Variants in ABCA10 observed in about 807,000 individuals in gnomAD.
ABCA10 encodes ATP-binding cassette sub-family A member 10.
A neutral mutation model predicts 187.5 loss-of-function variants in ABCA10; 169 were observed. The observed-to-expected ratio is 0.90, with a 90% CI of 0.80 to 1.02. ABCA10 has a LOEUF of 1.02. Among genes scored for constraint, ABCA10 ranks in the 50% least tolerant of loss-of-function variants. The pLI is 0.00. For synonymous variants in ABCA10, 574 were observed against 601.8 expected (o/e 0.95, Z 0.68); for missense variants, 1,727 against 1,812.4 (o/e 0.95, Z 0.86).
intron 1 of ABCA10, chr17:69,234,388 A>G (rs1271122610): frequency 6.6e-6 from 1 of 152,254 alleles, no homozygotes; most frequent in Non-Finnish European, 1.5e-5. Context: ...ACTAGTGTAC[A>G]TGATTCTTTC....
Position 69,154,325 on chromosome 17 carries a change from A to C in ABCA10, c.3696T>G (p.Gly1232=). 6.4e-7 allele frequency: 1 copy of C among 1,571,178 alleles called. No homozygotes were observed. The highest frequency in any genetic ancestry group is 1.2e-5 in the South Asian group (1 of 86,628). The change falls in exon 31 of 39, where the codon GGT becomes GGG. Residue 1232 remains glycine, a splice_region_variant and synonymous_variant. Coordinates refer to ENST00000690296, the MANE Select transcript of ABCA10 (RefSeq NM_001377321.1). Reference sequence around the variant, plus strand: ...TGTGTCCTAGTAATCCCAAAACTTCACCTGGAAGAAAGAGTCACCATCAAT... The same window carrying C: ...TGTGTCCTAGTAATCCCAAAACTTCCCCTGGAAGAAAGAGTCACCATCAAT... ...IRNVSFCVKK[G]EVLGLLGHNG...
At chr17:69,217,888 G>A (rs1416473688) in intron 6 of ABCA10, among the ~76,000 whole-genome samples, 1 of 151,972 alleles carries the variant, frequency 6.6e-6, no homozygotes, top group Non-Finnish European at 1.5e-5. Context: ...TTGAAAAGAG[G>A]AGAAAGAGCT....
intron 27 of ABCA10, among the ~76,000 whole-genome samples, chr17:69,162,840 T>C (rs796120074): frequency 7.2e-6 from 1 of 138,728 alleles, no homozygotes; most frequent in African/African-American, 2.6e-5. Flanking sequence ...TACATATACA[T>C]ATATATATAT....
Position 69,235,698 on chromosome 17 carries a change from AC to A in ABCA10, c.-592-6839del, listed in dbSNP as rs2074864200. Among the ~76,000 whole-genome samples the A allele has an allele frequency of 2.0e-5, 3 of 151,604 alleles. No homozygotes were observed. The South Asian group carries it at 6.2e-4, about 32-fold the overall frequency. ...TTTTTCTGTCCCATTTCTACTAGGC[AC>A]CCACCCACACCTTGCATTGTGCTGC... On this transcript the variant is annotated intron_variant, in intron 1 of 39. Transcript: ENST00000269081.
chr17:69,185,118 GAATGATAC>G (rs1216905086), intron 20 of ABCA10, among the ~76,000 whole-genome samples: 26 of 152,128 alleles, frequency 1.7e-4, no homozygotes, highest in African/African-American at 6.0e-4. Context: ...AAAGGCATAA[GAATGATAC>G]AATGGATTTT....
At chr17:69,209,131 A>C (rs1226775788) in intron 9 of ABCA10, among the ~76,000 whole-genome samples, 2 of 152,204 alleles carry the variant, frequency 1.3e-5, no homozygotes, top group Non-Finnish European at 2.9e-5. Context: ...AGAAGTAGAC[A>C]AGGTTTGGGA....
At position 69,194,495 on chromosome 17, in the gene ABCA10, C is replaced by A. The variant is rs772059657; in HGVS notation, c.1235G>T (p.Gly412Val). Residue 412 changes from glycine to valine, a missense_variant and splice_region_variant, in exon 12 of 39, where the codon GGC (glycine) becomes GTC (valine). Transcript: ENST00000690296. ...TCCTTCATATATGTCAAAAAATATGCCTGTTTTAGAATAAAAAGTGGAAAT... is the reference window on the plus strand; with the variant it reads ...TCCTTCATATATGTCAAAAAATATGACTGTTTTAGAATAAAAAGTGGAAAT... ...GKTGKVEALQ[G>V]IFFDIYEGQI... 2 of 1,591,356 alleles carry A rather than the reference C, an allele frequency of 1.3e-6. No homozygotes were observed. The highest frequency in any genetic ancestry group is 1.8e-5 in the Admixed American group (1 of 56,990).
In ABCA10 at chr17:69,182,705, A is replaced by G. The variant is rs2074389745; in HGVS notation, c.2601T>C (p.Asn867=). ...GGTCACCAGACACTATGATGGCTCC[A>G]TTGTAGGAGGGATCATCTGAGCCAT... ...NRNGSDDPSY[N]GAIIVSGDQK... is the part of the protein sequence containing the mutation. Residue 867 remains asparagine, a synonymous_variant, in exon 21 of 39, where the codon AAT becomes AAC. Coordinates refer to ENST00000690296, the MANE Select transcript of ABCA10 (RefSeq NM_001377321.1). The G allele has an allele frequency of 1.2e-6, 2 of 1,610,758 alleles. No individual in the cohort carries two copies. Among genetic ancestry groups the G allele is most frequent in the South Asian group, 1.1e-5 (1 of 90,718 alleles).
At chr17:69,235,786 A>C (rs919468051) in intron 1 of ABCA10, among the ~76,000 whole-genome samples, 87 of 152,084 alleles carry the variant, frequency 5.7e-4, no homozygotes, top group Middle Eastern at 3.4e-3. Context: ...AAAAAAGAAA[A>C]CAAAAAAAAC....
intron 27 of ABCA10, among the ~76,000 whole-genome samples, chr17:69,159,337 G>A (rs1407293774): frequency 6.6e-6 from 1 of 151,994 alleles, no homozygotes; most frequent in African/African-American, 2.4e-5. Flanking sequence ...ATATGTAATG[G>A]TAGTTCCAAA....
At chr17:69,176,463 T>C (rs2074334643) in intron 22 of ABCA10, among the ~76,000 whole-genome samples, 1 of 152,082 alleles carries the variant, frequency 6.6e-6, no homozygotes, top group Non-Finnish European at 1.5e-5. Flanking sequence ...TTGTCATAAA[T>C]GCAGGTGCAG....
At chr17:69,238,322 C>T (rs1358312391) in intron 1 of ABCA10, among the ~76,000 whole-genome samples, 2 of 152,036 alleles carry the variant, frequency 1.3e-5, no homozygotes, top group Non-Finnish European at 2.9e-5. Context: ...TTTTTTTAAG[C>T]CACTCAATTT....
chr17:69,150,406 G>A (rs1598082181), intron 36 of ABCA10: 1 of 167,648 alleles, frequency 6.0e-6, no homozygotes, highest in South Asian at 1.6e-4. Context: ...TCTCTCATAG[G>A]AGAGATTGAG....
chr17:69,203,818 C>G (rs1773896743), intron 9 of ABCA10, among the ~76,000 whole-genome samples: 1 of 152,174 alleles, frequency 6.6e-6, no homozygotes, highest in Non-Finnish European at 1.5e-5. Flanking sequence ...AAAAGCCTAT[C>G]TGCTATGCTA....
At chr17:69,230,669 A>T (rs2074826356), upstream of ABCA10, among the ~76,000 whole-genome samples, 1 of 151,990 alleles carries the variant, frequency 6.6e-6, no homozygotes, top group Non-Finnish European at 1.5e-5. Context: ...CAGCAGGTAA[A>T]TGTACTATAT....
intron 9 of ABCA10, among the ~76,000 whole-genome samples, chr17:69,207,349 A>G (rs986504345): frequency 6.6e-6 from 1 of 152,212 alleles, no homozygotes; most frequent in Non-Finnish European, 1.5e-5. Flanking sequence ...AAAAAGGTAA[A>G]AATAGAACTA....
At chr17:69,200,869 T>C (rs1289205665) in intron 10 of ABCA10, among the ~76,000 whole-genome samples, 1 of 152,158 alleles carries the variant, frequency 6.6e-6, no homozygotes, top group Non-Finnish European at 1.5e-5. Context: ...TGCACCACCA[T>C]GCCTGGCTAA....
chr17:69,224,688 G>GAAA (rs34181751), intron 3 of ABCA10, among the ~76,000 whole-genome samples: 8 of 137,386 alleles, frequency 5.8e-5, no homozygotes, highest in African/African-American at 1.6e-4. Flanking sequence ...AGTCTTATGG[G>GAAA]AAAAAAAAAA....
At chr17:69,195,249 C>T (rs1022949275) in intron 11 of ABCA10, among the ~76,000 whole-genome samples, 6 of 151,984 alleles carry the variant, frequency 3.9e-5, no homozygotes, top group South Asian at 2.1e-4. Context: ...CCAAAATAGA[C>T]GATGAAGAGT....
Sources: gnomAD v4.1 joint callset for allele counts (sites outside exome capture counted in the v4.1 genomes callset) on GRCh38, gnomAD v4.1.1 for gene constraint, MANE v1.5 for transcripts, NCBI Gene and HGNC (gene_info 2026-07-23, HGNC 2026-07-21) for gene names.